The following DST variants were observed in gnomAD, a reference collection of about 807,000 sequenced individuals.
The protein encoded by DST is dystonin, also known as bullous pemphigoid antigen.
In DST, 253 loss-of-function variants were observed where a neutral mutation model predicts 875.2. The ratio of observed to expected loss-of-function variants is 0.29; its 90% CI spans 0.26 to 0.32. The LOEUF (loss-of-function observed/expected upper bound fraction) is 0.32, where lower values mean the gene tolerates loss of function less well. Ranked by LOEUF, DST falls within the 10% of genes least tolerant of loss-of-function variation. The pLI, the probability that DST is intolerant of heterozygous loss-of-function variation, is 1.00. For synonymous variants in DST, 3,124 were observed against 3,197.1 expected, an observed-to-expected ratio of 0.98 and a Z score of 0.77; for missense variants, 8,287 against 9,111.6, an observed-to-expected ratio of 0.91 and a Z score of 3.68.
At chr6:56,944,676 A>G (rs1818517728) in intron 2 of DST, among the ~76,000 whole-genome samples, 1 of 152,208 alleles carries the variant, frequency 6.6e-6, no homozygotes, top group Non-Finnish European at 1.5e-5. Context: ...TTATACTAAG[A>G]ATGAACTTTA....
chr6:56,513,316 C>T (rs187451304), intron 72 of DST, among the ~76,000 whole-genome samples: 174 of 152,038 alleles, frequency 1.1e-3, no homozygotes, highest in Non-Finnish European at 2.2e-3. Context: ...CCACAACCTC[C>T]GCCTCCCAGG....
intron 64 of DST, among the ~76,000 whole-genome samples, chr6:56,531,353 A>C (rs2096892928): frequency 6.6e-6 from 1 of 152,152 alleles, no homozygotes; most frequent in Non-Finnish European, 1.5e-5. Context: ...TAAAGCAGAG[A>C]TCTAGACATT....
chr6:56,804,226 G>T (rs13201733), intron 4 of DST, among the ~76,000 whole-genome samples: 25,304 of 152,036 alleles, frequency 0.17, 2,344 homozygotes, highest in Non-Finnish European at 0.19. Context: ...GGTAATCAGA[G>T]AGATCATCTG....
At chr6:56,619,642 T>A in intron 36 of DST, 2 of 1,613,840 alleles carry the variant, frequency 1.2e-6, no homozygotes, top group Non-Finnish European at 1.7e-6. Flanking sequence ...TGCGCTTTAT[T>A]TTCTTGAGAT....
At chr6:56,920,653 G>C (rs909039391) in intron 2 of DST, among the ~76,000 whole-genome samples, 2 of 151,582 alleles carry the variant, frequency 1.3e-5, no homozygotes, top group African/African-American at 4.8e-5. Flanking sequence ...AGAAAGACAA[G>C]AGTTCCAAAA....
At chr6:56,592,698 G>A (rs2098300918) in intron 48 of DST, among the ~76,000 whole-genome samples, 1 of 152,154 alleles carries the variant, frequency 6.6e-6, no homozygotes, top group Admixed American at 6.5e-5. Flanking sequence ...CGATTTGATG[G>A]AAGGGTTTTA....
rs146185112 is a variant in DST, at chr6:56,687,184, C to T, written c.1047+12469G>A. Reference sequence around the variant, plus strand: ...CCCTATTGATTCAGAGGTTTACATACAAAAACGTTAACAAATGAAAATTCA... The same window carrying T: ...CCCTATTGATTCAGAGGTTTACATATAAAAACGTTAACAAATGAAAATTCA... On this transcript the variant is annotated intron_variant, in intron 9 of 103. Coordinates refer to ENST00000680361, the MANE Select transcript of DST (RefSeq NM_001374736.1). Among the ~76,000 whole-genome samples, 628 of 152,254 alleles carry T rather than the reference C, an allele frequency of 4.1e-3. 1 individual carries two copies. The highest frequency in any genetic ancestry group is 0.014 in the African/African-American group (600 of 41,548).
At chr6:56,774,890 G>A (rs1037214411) in intron 4 of DST, among the ~76,000 whole-genome samples, 2 of 151,772 alleles carry the variant, frequency 1.3e-5, no homozygotes, top group Non-Finnish European at 2.9e-5. Flanking sequence ...TACTTGGGAG[G>A]CTGAGGCAGG....
chr6:56,617,472 T>TTTA (rs1347591466), intron 36 of DST: 13 of 1,407,768 alleles, frequency 9.2e-6, no homozygotes, highest in African/African-American at 1.4e-5. Context: ...ATTATGTCAC[T>TTTA]TTATCCATTC....
At chr6:56,847,374 C>T (rs567522776) in intron 4 of DST, among the ~76,000 whole-genome samples, 4 of 152,152 alleles carry the variant, frequency 2.6e-5, no homozygotes, top group African/African-American at 7.2e-5. Context: ...AGACATGTGA[C>T]GCCTTCACTA....
chr6:56,637,628 T>C (rs1386333648), intron 22 of DST, among the ~76,000 whole-genome samples: 5 of 152,196 alleles, frequency 3.3e-5, no homozygotes, highest in African/African-American at 1.2e-4. Context: ...TTTAAAAATG[T>C]GTTTCTTGAA....
intron 3 of DST, chr6:56,851,846 T>C: frequency 1.9e-6 from 3 of 1,551,650 alleles, no homozygotes; most frequent in East Asian, 4.9e-5. Context: ...TTTCAATACA[T>C]GAAGATTTGC....
At chr6:56,485,602 T>C in intron 87 of DST, 131 bp from the exon 88 acceptor site, 1 of 885,900 alleles carries the variant, frequency 1.1e-6, no homozygotes, top group Non-Finnish European at 1.7e-6. Flanking sequence ...TTCATTGTTG[T>C]TTCTTTGCTC....
chr6:56,669,216 A>G (rs2099087082), intron 10 of DST, among the ~76,000 whole-genome samples: 1 of 151,558 alleles, frequency 6.6e-6, no homozygotes, highest in African/African-American at 2.4e-5. Flanking sequence ...TATATAGTTT[A>G]TAATTTAATG....
At chr6:56,741,943 A>T (rs2099548239) in intron 4 of DST, among the ~76,000 whole-genome samples, 1 of 152,186 alleles carries the variant, frequency 6.6e-6, no homozygotes, top group African/African-American at 2.4e-5. Flanking sequence ...GAATAACAGA[A>T]TTGGGGGGGA....
At chr6:56,796,976 T>C (rs900771038) in intron 4 of DST, among the ~76,000 whole-genome samples, 1 of 152,338 alleles carries the variant, frequency 6.6e-6, no homozygotes. Context: ...CTTGGCTTTA[T>C]TGTGCTGTGC....
chr6:56,696,943 G>T lies in DST; in HGVS notation c.1047+2710C>A, dbSNP rs187416678. 2.0e-5 allele frequency among the ~76,000 whole-genome samples: 3 copies of T among 152,150 alleles called. No homozygotes were observed. The East Asian group carries it at 5.8e-4, about 29-fold the overall frequency. On this transcript the variant is annotated intron_variant, in intron 9 of 103. Transcript: ENST00000680361. The stretch of plus-strand genomic sequence containing the variant: ...GTGCTCTTCTCTTGGGTCCCCTGAA[G>T]ATCCCTTCTTTCCGATAAAATCAGT...
chr6:56,912,280 C>A (rs1799102558), intron 2 of DST, among the ~76,000 whole-genome samples: 1 of 152,176 alleles, frequency 6.6e-6, no homozygotes, highest in South Asian at 2.1e-4. Context: ...ATTCCCCAGT[C>A]TCTAATCCTG....
chr6:56,555,484 C>G lies in DST; in HGVS notation c.14997G>C (p.Gln4999His). The part of the protein sequence containing the change: ...TAQKMKQEIQ[Q>H]EKKQIKVAQA... ...GGGCCACTTTTATCTGCTTCTTTTC[C>G]TGCTGTATCTCCTGCTTCATTTTTT... is the stretch of plus-strand genomic sequence containing the variant. The change falls in exon 60 of 104, where the codon CAG becomes CAC. Residue 4999 changes from glutamine to histidine, a missense_variant. By Grantham distance (24) the Gln-to-His change is conservative. Coordinates refer to ENST00000680361, the MANE Select transcript of DST (RefSeq NM_001374736.1). 6.2e-7 allele frequency: 1 copy of G among 1,613,992 alleles called. No homozygotes were observed. The highest frequency in any genetic ancestry group is 8.5e-7 in the Non-Finnish European group (1 of 1,179,898).
Sources: allele counts gnomAD v4.1 joint callset (sites outside exome capture counted in the v4.1 genomes callset), GRCh38; gene constraint gnomAD v4.1.1; transcripts MANE v1.5; gene names NCBI Gene and HGNC (gene_info 2026-07-23, HGNC 2026-07-21).